The following RUSC2 variants were observed in gnomAD, a reference collection of about 807,000 sequenced individuals.
RUSC2 encodes AP-4 complex accessory subunit RUSC2.
In RUSC2, 34 loss-of-function variants were observed where a neutral mutation model predicts 122.2. The ratio of observed to expected loss-of-function variants is 0.28; its 90% CI spans 0.21 to 0.37. RUSC2 has a LOEUF of 0.37. Among genes scored for constraint, RUSC2 ranks in the 10% least tolerant of loss-of-function variants. The pLI, the probability that RUSC2 is intolerant of heterozygous loss-of-function variation, is 1.00. For synonymous variants in RUSC2, 784 were observed against 790.0 expected (o/e 0.99, Z 0.13); for missense variants, 1,747 against 1,952.4 (o/e 0.89, Z 1.98).
intron 1 of RUSC2, among the ~76,000 whole-genome samples, chr9:35,532,723 T>C (rs1821445144): frequency 6.6e-6 from 1 of 151,364 alleles, no homozygotes; most frequent in Non-Finnish European, 1.5e-5. Flanking sequence ...CCAGCCTGGG[T>C]GACAGAGCGA....
chr9:35,514,112 G>C (rs1418618990), intron 1 of RUSC2, among the ~76,000 whole-genome samples: 1 of 151,918 alleles, frequency 6.6e-6, no homozygotes, highest in East Asian at 1.9e-4. Context: ...TAGGTTCTGA[G>C]TATACACCAA....
At chr9:35,536,713 C>G (rs1214638293) in intron 1 of RUSC2, among the ~76,000 whole-genome samples, 5 of 145,724 alleles carry the variant, frequency 3.4e-5, no homozygotes, top group Non-Finnish European at 6.0e-5. Flanking sequence ...ACTCGGGAGG[C>G]TGAGACAGGA....
rs780555081 is a variant in RUSC2, at chr9:35,548,378, C to T, written c.1857C>T (p.Thr619=). ...LGPDPSPPWS[T]QVCQGPHSSE... ...CAGACCCAAGTCCACCCTGGTCCAC[C>T]CAGGTCTGTCAGGGACCCCACTCCA... Residue 619 remains threonine, a synonymous_variant, in exon 2 of 12, where the codon ACC becomes ACT. Transcript: ENST00000361226. This position sits in a 1 kb window ranked among gnomAD's most constrained non-coding sequence, Gnocchi z 4.5. 3.7e-6 allele frequency: 6 copies of T among 1,613,964 alleles called. No homozygotes were observed. The African/African-American group carries it at 8.0e-5, about 22-fold the overall frequency.
chr9:35,492,817 A>G lies in RUSC2; in HGVS notation c.-93+2645A>G, dbSNP rs574455016. ...TCCCAGACTGAAACTCTGTACCAGT[A>G]AGATGCTAACTCCCCATTTCTCCCT... is the stretch of plus-strand genomic sequence containing the variant. On this transcript the variant is annotated intron_variant, in intron 1 of 11. Coordinates refer to ENST00000361226, the MANE Select transcript of RUSC2 (RefSeq NM_014806.5). Among the ~76,000 whole-genome samples, 179 of 152,212 alleles carry G rather than the reference A, an allele frequency of 1.2e-3. 1 individual carries two copies. The highest frequency in any genetic ancestry group is 4.1e-3 in the African/African-American group (172 of 41,530).
Position 35,560,480 on chromosome 9 carries a change from C to T in RUSC2, c.3840C>T (p.Val1280=). The T allele has an allele frequency of 6.2e-7, 1 of 1,614,218 alleles. No individual in the cohort carries two copies. Among genetic ancestry groups the T allele is most frequent in the Non-Finnish European group, 8.5e-7 (1 of 1,180,006 alleles). ...WWYQLMQSSQ[V]YIDGSIEGSR... Reference sequence around the variant, plus strand: ...ACCAGCTCATGCAGAGCTCCCAGGTCTACATCGATGGCTCCATTGAGGGTT... The same window carrying T: ...ACCAGCTCATGCAGAGCTCCCAGGTTTACATCGATGGCTCCATTGAGGGTT... Residue 1280 remains valine, a synonymous_variant, in exon 10 of 12, where the codon GTC becomes GTT. Transcript: ENST00000361226.
intron 1 of RUSC2, among the ~76,000 whole-genome samples, chr9:35,520,204 C>T (rs887430255): frequency 6.6e-6 from 1 of 152,138 alleles, no homozygotes; most frequent in Non-Finnish European, 1.5e-5. Flanking sequence ...GGGCAAGCCT[C>T]CTGGAAGATG....
At chr9:35,515,102 G>T (rs1426313607) in intron 1 of RUSC2, among the ~76,000 whole-genome samples, 2 of 152,336 alleles carry the variant, frequency 1.3e-5, no homozygotes, top group African/African-American at 4.8e-5. Context: ...ACCTGGAAAA[G>T]TGGGGAACTA....
intron 1 of RUSC2, among the ~76,000 whole-genome samples, chr9:35,541,594 G>A (rs1446602927): frequency 1.3e-5 from 2 of 151,820 alleles, no homozygotes; most frequent in African/African-American, 2.4e-5. Context: ...TTACAGGAGC[G>A]TGCCACCACA....
chr9:35,531,336 C>T (rs1821415498), intron 1 of RUSC2, among the ~76,000 whole-genome samples: 1 of 152,080 alleles, frequency 6.6e-6, no homozygotes, highest in African/African-American at 2.4e-5. Context: ...GAGTGACTTG[C>T]TGAAGGAAGT....
At position 35,525,358 on chromosome 9, in the gene RUSC2, C is replaced by T. The variant is rs1423933154; in HGVS notation, c.-92-21072C>T. ...TTCCAGAGTCGAATGCAGTTCCACT[C>T]AAAGTTCTCCAGAAATAAATCTCCA... On this transcript the variant is annotated intron_variant, in intron 1 of 11. Coordinates refer to ENST00000361226, the MANE Select transcript of RUSC2 (RefSeq NM_014806.5). 2.0e-5 allele frequency among the ~76,000 whole-genome samples: 3 copies of T among 152,200 alleles called. No individual in the cohort carries two copies. The East Asian group carries it at 5.8e-4, about 29-fold the overall frequency.
Position 35,555,521 on chromosome 9 carries a change from C to T in RUSC2, c.2476C>T (p.Arg826Trp), listed in dbSNP as rs375480855. The T allele has an allele frequency of 8.4e-5, 135 of 1,614,050 alleles. No homozygotes were observed. The highest frequency in any genetic ancestry group is 1.0e-4 in the Non-Finnish European group (118 of 1,180,032). ...PWSHSCPSAV[R>W]PATSQQPQKE... The stretch of plus-strand genomic sequence containing the variant: ...GAGCCACTCCTGTCCTTCTGCTGTC[C>T]GGCCTGCCACCTCCCAGCAGCCGCA... The change falls in exon 3 of 12, where the codon CGG (arginine) becomes TGG (tryptophan). Residue 826 changes from arginine to tryptophan, a missense_variant. Arg to Trp is a moderately radical substitution (Grantham distance 101). Coordinates refer to ENST00000361226, the MANE Select transcript of RUSC2 (RefSeq NM_014806.5). This position sits in a 1 kb window ranked among gnomAD's most constrained non-coding sequence, Gnocchi z 4.6.
At chr9:35,506,612 ATTAAT>A (rs1326232121) in intron 1 of RUSC2, among the ~76,000 whole-genome samples, 9 of 152,232 alleles carry the variant, frequency 5.9e-5, no homozygotes, top group Non-Finnish European at 8.8e-5. Context: ...AAAAGATCTG[ATTAAT>A]TTAGTAACAT....
At chr9:35,516,160 T>A (rs551241605) in intron 1 of RUSC2, among the ~76,000 whole-genome samples, 1 of 152,206 alleles carries the variant, frequency 6.6e-6, no homozygotes, top group African/African-American at 2.4e-5. Context: ...TGGGGAGGTA[T>A]AACTACAAAG....
At chr9:35,495,038 CTATAG>C (rs1403280746) in intron 1 of RUSC2, among the ~76,000 whole-genome samples, 25 of 70,414 alleles carry the variant, frequency 3.6e-4, no homozygotes, top group African/African-American at 3.8e-4. Context: ...ATTATATATA[CTATAG>C]TATATATAAT....
chr9:35,497,745 T>C (rs1243160743), intron 1 of RUSC2, among the ~76,000 whole-genome samples: 1 of 152,226 alleles, frequency 6.6e-6, no homozygotes, highest in Non-Finnish European at 1.5e-5. Context: ...CATTAGTAGA[T>C]GTAGAGGCTA....
chr9:35,543,116 A>G (rs1459331686), intron 1 of RUSC2, among the ~76,000 whole-genome samples: 1 of 152,138 alleles, frequency 6.6e-6, no homozygotes. Context: ...TGAAAGGAGA[A>G]ACCCCCTCAA....
At chr9:35,553,968 A>G (rs1438096384) in intron 2 of RUSC2, among the ~76,000 whole-genome samples, 1 of 152,244 alleles carries the variant, frequency 6.6e-6, no homozygotes, top group Non-Finnish European at 1.5e-5. Flanking sequence ...GCAGAATTCT[A>G]GCTCTGCCAC....
At position 35,558,090 on chromosome 9, in the gene RUSC2, G is replaced by A. The variant is rs1408226542; in HGVS notation, c.3060+100G>A. The A allele has an allele frequency of 6.3e-7, 1 of 1,580,168 alleles. No homozygotes were observed. The highest frequency in any genetic ancestry group is 1.1e-5 in the South Asian group (1 of 90,066). On this transcript the variant is annotated intron_variant, in intron 6 of 11. Transcript: ENST00000361226. The surrounding 1 kb of genome is among the most constrained non-coding windows in gnomAD (Gnocchi z 4.3). ...TGTCTTGCATTTAGAGCCCAGGGTT[G>A]GGTACTTAGGAATGGGGACGGCAAG...
At chr9:35,492,245 C>G (rs939677286) in intron 1 of RUSC2, among the ~76,000 whole-genome samples, 3 of 151,976 alleles carry the variant, frequency 2.0e-5, no homozygotes, top group African/African-American at 7.2e-5. Context: ...TTTTTACTTG[C>G]TAAATCTGGC....
Sources: allele counts gnomAD v4.1 joint callset (sites outside exome capture counted in the v4.1 genomes callset), GRCh38; gene constraint gnomAD v4.1.1; non-coding constraint Gnocchi (gnomAD v3.1); transcripts MANE v1.5; gene names NCBI Gene and HGNC (gene_info 2026-07-23, HGNC 2026-07-21).